ATP9B: variants seen among roughly 807,000 people sequenced by gnomAD.
ATP9B encodes the protein probable phospholipid-transporting ATPase IIB.
ATP9B carries 110 observed loss-of-function variants against 146.1 expected under a neutral mutation model. The ratio of observed to expected loss-of-function variants is 0.75; its 90% CI spans 0.65 to 0.88. The LOEUF is 0.88. Among genes scored for constraint, ATP9B ranks in the 40% least tolerant of loss-of-function variants. The pLI is 0.00. For missense variants in ATP9B, 1,499 were observed against 1,496.4 expected, an observed-to-expected ratio of 1.00 and a Z score of -0.03; for synonymous variants, 604 against 569.7, an observed-to-expected ratio of 1.06 and a Z score of -0.86.
chr18:79,295,341 A>G (rs574585381), intron 13 of ATP9B, among the ~76,000 whole-genome samples: 1 of 152,330 alleles, frequency 6.6e-6, no homozygotes, highest in South Asian at 2.1e-4. Context: ...CATCTTACTC[A>G]TTGATTTCCT....
intron 1 of ATP9B, among the ~76,000 whole-genome samples, chr18:79,082,125 A>G (rs1247209854): frequency 6.6e-6 from 1 of 151,938 alleles, no homozygotes; most frequent in East Asian, 1.9e-4. Flanking sequence ...ATTTTTCTCT[A>G]ATCTTGTCTT....
chr18:79,352,492 T>C (rs1421985568), intron 25 of ATP9B: 1 of 152,174 alleles, frequency 6.6e-6, no homozygotes, highest in Non-Finnish European at 1.5e-5. Flanking sequence ...GTGAAACAAA[T>C]GTTTTCAGAC....
At chr18:79,288,909 A>C (rs1174173226) in intron 13 of ATP9B, among the ~76,000 whole-genome samples, 3 of 152,130 alleles carry the variant, frequency 2.0e-5, no homozygotes, top group Admixed American at 6.5e-5. Context: ...TCTCGGTTGA[A>C]AATTCTTTTC....
At chr18:79,336,982 C>T (rs938732156) in intron 18 of ATP9B, among the ~76,000 whole-genome samples, 5 of 124,792 alleles carry the variant, frequency 4.0e-5, no homozygotes, top group South Asian at 2.8e-4. Context: ...ACAGTCCAGC[C>T]GAGCTGAGTA....
chr18:79,245,786 C>CGCCCT (rs1568483675), intron 11 of ATP9B, among the ~76,000 whole-genome samples: 14 of 147,276 alleles, frequency 9.5e-5, no homozygotes, highest in Admixed American at 2.7e-4. Flanking sequence ...AGGAGGGCAC[C>CGCCCT]ACCCTACTGA....
rs1372077886 is a variant in ATP9B at position 79,234,066 on chromosome 18, G to C, written c.1108-19315G>C. On this transcript the variant is annotated intron_variant, in intron 11 of 29. Transcript: ENST00000426216. ...TGCAGTTCAAACCCTTGTTGTTCAA[G>C]GGTCAACTACAGGTAAGTGCTGGTG... is the stretch of plus-strand genomic sequence containing the variant. Among the ~76,000 whole-genome samples, 3 of 152,080 alleles carry C rather than the reference G, an allele frequency of 2.0e-5. No homozygotes were observed. The East Asian group carries it at 5.8e-4, about 29-fold the overall frequency.
At chr18:79,267,697 G>A (rs1568535309) in intron 12 of ATP9B, among the ~76,000 whole-genome samples, 1 of 151,994 alleles carries the variant, frequency 6.6e-6, no homozygotes, top group Non-Finnish European at 1.5e-5. Context: ...TAGTTTGATT[G>A]TATTTTTCTC....
intron 26 of ATP9B, among the ~76,000 whole-genome samples, chr18:79,367,487 G>C (rs588336): frequency 1.5e-4 from 15 of 97,596 alleles, no homozygotes; most frequent in South Asian, 3.6e-4. Context: ...ATCTTCACCT[G>C]CACTGTGTGT....
intron 26 of ATP9B, chr18:79,372,521 G>C: frequency 1.9e-6 from 1 of 539,274 alleles, no homozygotes; most frequent in Non-Finnish European, 3.6e-6. Context: ...CTGGTTCACT[G>C]AAATGTTTGC....
chr18:79,325,465 A>C (rs1220030468), intron 15 of ATP9B, among the ~76,000 whole-genome samples: 3 of 152,220 alleles, frequency 2.0e-5, no homozygotes, highest in African/African-American at 7.2e-5. Context: ...GTAAATGCTG[A>C]TAGATTGAGT....
chr18:79,130,078 G>T lies in ATP9B; in HGVS notation c.667+3703G>T, dbSNP rs59323537. On this transcript the variant is annotated intron_variant, in intron 5 of 29. Transcript: ENST00000426216. ...TTCTACAAAAAACATTACAAAGCAT[G>T]CAACAAAACAAAATGTGGCCCACTC... Among the ~76,000 whole-genome samples the T allele has an allele frequency of 1.5e-3, 223 of 152,322 alleles. No homozygotes were observed. In the East Asian group the frequency reaches 0.043, roughly 29 times the overall value.
chr18:79,133,819 C>G (rs2094413626), intron 5 of ATP9B, among the ~76,000 whole-genome samples: 1 of 152,152 alleles, frequency 6.6e-6, no homozygotes, highest in Non-Finnish European at 1.5e-5. Context: ...TGAGGTCTGC[C>G]CCCCGCAGCC....
intron 17 of ATP9B, among the ~76,000 whole-genome samples, 162 bp downstream of exon 17, chr18:79,330,266 T>C (rs1381169976): frequency 6.6e-6 from 1 of 152,214 alleles, no homozygotes; most frequent in African/African-American, 2.4e-5. Flanking sequence ...ATTGGATGAA[T>C]TGAGCTGTCA....
At chr18:79,128,428 G>A (rs943304753) in intron 5 of ATP9B, among the ~76,000 whole-genome samples, 1 of 152,154 alleles carries the variant, frequency 6.6e-6, no homozygotes, top group Non-Finnish European at 1.5e-5. Flanking sequence ...ATATTCTTTT[G>A]TATGAATATC....
At chr18:79,356,164 A>T (rs781166306) in intron 25 of ATP9B, among the ~76,000 whole-genome samples, 5 of 152,204 alleles carry the variant, frequency 3.3e-5, no homozygotes, top group Non-Finnish European at 5.9e-5. Flanking sequence ...ATCGTCAGCC[A>T]CAGAGACCAG....
chr18:79,123,788 A>C (rs952364217), intron 4 of ATP9B, among the ~76,000 whole-genome samples: 5 of 152,186 alleles, frequency 3.3e-5, no homozygotes, highest in Non-Finnish European at 7.3e-5. Flanking sequence ...TTGATTTTCA[A>C]CTCGGGCACC....
At chr18:79,201,839 G>A (rs1015372617) in intron 9 of ATP9B, among the ~76,000 whole-genome samples, 10 of 152,120 alleles carry the variant, frequency 6.6e-5, no homozygotes, top group Non-Finnish European at 7.4e-5. Flanking sequence ...GATTACAGGC[G>A]TGAGTCACTG....
intron 2 of ATP9B, among the ~76,000 whole-genome samples, chr18:79,102,749 G>A (rs2075374023): frequency 6.6e-6 from 1 of 152,010 alleles, no homozygotes; most frequent in Non-Finnish European, 1.5e-5. Context: ...TTCCTATGTT[G>A]AGTCTTCTAG....
At chr18:79,204,789 C>T (rs2095519436) in intron 9 of ATP9B, among the ~76,000 whole-genome samples, 1 of 152,204 alleles carries the variant, frequency 6.6e-6, no homozygotes, top group Non-Finnish European at 1.5e-5. Context: ...CCATTGACAT[C>T]ACTGAGAAGA....
Sources: allele counts gnomAD v4.1 joint callset (sites outside exome capture counted in the v4.1 genomes callset), GRCh38; gene constraint gnomAD v4.1.1; transcripts MANE v1.5; gene names NCBI Gene and HGNC (gene_info 2026-07-23, HGNC 2026-07-21).